SLC2A13: variants seen among roughly 807,000 people sequenced by gnomAD.
SLC2A13 encodes solute carrier family 2 member 13.
SLC2A13 carries 32 observed loss-of-function variants against 64.4 expected under a neutral mutation model. The ratio of observed to expected loss-of-function variants is 0.50; its 90% confidence interval spans 0.37 to 0.67. The LOEUF (loss-of-function observed/expected upper bound fraction) is 0.67, where lower values mean the gene tolerates loss of function less well. Among genes scored for constraint, SLC2A13 ranks in the 30% least tolerant of loss-of-function variants. The probability of loss-of-function intolerance (pLI) is 0.00; values close to 1 mark genes in which losing one functional copy is unlikely to be tolerated. For missense variants in SLC2A13, 743 were observed against 829.2 expected (o/e 0.90, Z 1.28); for synonymous variants, 338 against 327.1 (o/e 1.03, Z -0.36).
intron 1 of SLC2A13, among the ~76,000 whole-genome samples, chr12:40,077,192 T>C (rs1461575840): frequency 2.0e-5 from 3 of 152,168 alleles, no homozygotes; most frequent in Non-Finnish European, 4.4e-5. Flanking sequence ...TTTGTTGCAA[T>C]TGCTTTTGGA....
intron 5 of SLC2A13, 112 bp downstream of exon 5, chr12:39,871,674 ATTTTTTTGTTGT>A: frequency 1.0e-6 from 1 of 1,003,084 alleles, no homozygotes; most frequent in Non-Finnish European, 1.4e-6. Context: ...AAGAACTCTA[ATTTTTTTGTTGT>A]TTGGCTGAGA....
chr12:39,942,688 C>T (rs914146984), intron 4 of SLC2A13, among the ~76,000 whole-genome samples: 3 of 152,170 alleles, frequency 2.0e-5, no homozygotes, highest in African/African-American at 7.2e-5. Flanking sequence ...AGCTTCCTTG[C>T]ATCGGGTGAG....
chr12:39,983,427 C>T (rs1946958050), intron 3 of SLC2A13, among the ~76,000 whole-genome samples: 1 of 85,896 alleles, frequency 1.2e-5, no homozygotes, highest in African/African-American at 4.5e-5. Context: ...GCAACCTACT[C>T]ATCTGACAAA....
chr12:39,947,144 G>A (rs1300767197), intron 4 of SLC2A13, among the ~76,000 whole-genome samples: 2 of 152,106 alleles, frequency 1.3e-5, no homozygotes, highest in African/African-American at 2.4e-5. Context: ...AGTAAGAAGA[G>A]GAAATAAAGC....
At chr12:39,803,944 G>A (rs7969296) in intron 7 of SLC2A13, among the ~76,000 whole-genome samples, 148,993 of 152,248 alleles carry the variant, frequency 0.98, 72,912 homozygotes, top group African/African-American at 0.99. Flanking sequence ...TCAGTATGAA[G>A]CTACAGAATT....
intron 7 of SLC2A13, among the ~76,000 whole-genome samples, chr12:39,823,299 C>T (rs924102278): frequency 6.6e-6 from 1 of 152,132 alleles, no homozygotes; most frequent in Non-Finnish European, 1.5e-5. Flanking sequence ...AGGAACACAG[C>T]TGGAGGTTTT....
intron 7 of SLC2A13, among the ~76,000 whole-genome samples, chr12:39,784,942 A>G (rs1274004962): frequency 2.0e-5 from 3 of 152,238 alleles, no homozygotes; most frequent in Middle Eastern, 3.2e-3. Flanking sequence ...GCAGCAAAGC[A>G]TTCAAAAAGT....
At chr12:39,947,878 T>C (rs964333497) in intron 4 of SLC2A13, among the ~76,000 whole-genome samples, 3 of 152,074 alleles carry the variant, frequency 2.0e-5, no homozygotes, top group Non-Finnish European at 4.4e-5. Context: ...GCCAGGATGG[T>C]CTCGATCTCC....
chr12:40,075,915 T>C (rs765777487), intron 1 of SLC2A13, among the ~76,000 whole-genome samples: 18 of 152,198 alleles, frequency 1.2e-4, no homozygotes, highest in Non-Finnish European at 2.2e-4. Flanking sequence ...GAGTCCTTTA[T>C]TAAAGTACGT....
At chr12:39,811,963 T>C (rs748692061) in intron 7 of SLC2A13, among the ~76,000 whole-genome samples, 2 of 152,242 alleles carry the variant, frequency 1.3e-5, no homozygotes, top group Non-Finnish European at 2.9e-5. Context: ...AGAGTTGGTT[T>C]AAATCTCTAA....
chr12:39,812,908 C>T (rs2135810014), intron 7 of SLC2A13, among the ~76,000 whole-genome samples: 1 of 149,172 alleles, frequency 6.7e-6, no homozygotes, highest in African/African-American at 2.5e-5. Context: ...GATCTCCCTG[C>T]AACCTCTGCC....
rs1489653604 is a variant in SLC2A13 at position 39,809,119 on chromosome 12, T to G, written c.1445+20984A>C. Among the ~76,000 whole-genome samples, 4 of 152,194 alleles carry G rather than the reference T, an allele frequency of 2.6e-5. No homozygotes were observed. In the East Asian group the frequency reaches 7.7e-4, roughly 29 times the overall value. On this transcript the variant is annotated intron_variant, in intron 7 of 9. Coordinates refer to ENST00000280871, the MANE Select transcript of SLC2A13 (RefSeq NM_052885.4). ...AGAGTTGAGGTCCATTCCCTCCACC[T>G]TCACCCGCAATGTAGATAGCCAACT... is the stretch of plus-strand genomic sequence containing the variant.
intron 4 of SLC2A13, among the ~76,000 whole-genome samples, chr12:39,933,471 C>G (rs1360401179): frequency 6.6e-6 from 1 of 152,044 alleles, no homozygotes; most frequent in Non-Finnish European, 1.5e-5. Context: ...GCAGAGGTTC[C>G]CATACTTTCT....
At chr12:39,807,067 T>C (rs1462487688) in intron 7 of SLC2A13, among the ~76,000 whole-genome samples, 1 of 151,958 alleles carries the variant, frequency 6.6e-6, no homozygotes, top group Non-Finnish European at 1.5e-5. Context: ...GTAATTATAG[T>C]TTTTGCCACT....
chr12:40,061,821 A>G (rs1269640667), intron 1 of SLC2A13, among the ~76,000 whole-genome samples: 1 of 152,090 alleles, frequency 6.6e-6, no homozygotes, highest in Non-Finnish European at 1.5e-5. Flanking sequence ...AAAAAAAAAA[A>G]AGGAAATTTA....
At chr12:39,967,755 C>T (rs1301590358) in intron 3 of SLC2A13, among the ~76,000 whole-genome samples, 3 of 152,032 alleles carry the variant, frequency 2.0e-5, no homozygotes, top group African/African-American at 7.2e-5. Flanking sequence ...ATCCATTTGG[C>T]CTTTTAATGA....
In SLC2A13 at chr12:39,843,012, C is replaced by T. The variant is rs116073249; in HGVS notation, c.1320-12784G>A. 6.1e-3 allele frequency among the ~76,000 whole-genome samples: 933 copies of T among 151,944 alleles called. 10 individuals are homozygous for T. The highest frequency in any genetic ancestry group is 0.021 in the African/African-American group (882 of 41,454). The stretch of plus-strand genomic sequence containing the variant: ...CACACTTCATGTATCTATTTGTCAG[C>T]TGATGGGGTATTTGGGTTATTTCTA... On this transcript the variant is annotated intron_variant, in intron 6 of 9. Coordinates refer to ENST00000280871, the MANE Select transcript of SLC2A13 (RefSeq NM_052885.4).
intron 3 of SLC2A13, among the ~76,000 whole-genome samples, chr12:40,019,084 T>C (rs775608688): frequency 6.6e-6 from 1 of 152,120 alleles, no homozygotes; most frequent in Non-Finnish European, 1.5e-5. Flanking sequence ...GGGAAGATAC[T>C]AGAAACAAGG....
At chr12:39,846,821 T>C (rs551097569) in intron 6 of SLC2A13, among the ~76,000 whole-genome samples, 59 of 152,146 alleles carry the variant, frequency 3.9e-4, no homozygotes, top group Non-Finnish European at 1.8e-4. Flanking sequence ...TCTCAGTCTT[T>C]CTGAAGGATA....
Sources: gnomAD v4.1 joint callset for allele counts (sites outside exome capture counted in the v4.1 genomes callset) on GRCh38, gnomAD v4.1.1 for gene constraint, MANE v1.5 for transcripts, NCBI Gene and HGNC (gene_info 2026-07-23, HGNC 2026-07-21) for gene names.